PACSIN2: variants seen among roughly 807,000 people sequenced by gnomAD.
PACSIN2 encodes the protein protein kinase C and casein kinase substrate in neurons protein 2.
In PACSIN2, 25 loss-of-function variants were observed where a neutral mutation model predicts 63.8. That is an observed-to-expected ratio of 0.39 (90% CI 0.29 to 0.55). The LOEUF (loss-of-function observed/expected upper bound fraction) is 0.55. Among genes scored for constraint, PACSIN2 ranks in the 20% least tolerant of loss-of-function variants. The pLI is 0.62. For missense variants in PACSIN2, 518 were observed against 646.9 expected, an observed-to-expected ratio of 0.80 and a Z score of 2.16; for synonymous variants, 255 against 256.2, an observed-to-expected ratio of 1.00 and a Z score of 0.05.
rs138589073 is a variant in PACSIN2, at chr22:42,938,019, T to C, written c.-77-25862A>G. ...GCTCCCTGCCCTCTACCCACAGTTGTACAGAGTAAAACAAAATCATCATGT... is the reference window on the plus strand; with the variant it reads ...GCTCCCTGCCCTCTACCCACAGTTGCACAGAGTAAAACAAAATCATCATGT... On this transcript the variant is annotated intron_variant, in intron 1 of 10. Transcript: ENST00000263246. Among the ~76,000 whole-genome samples the C allele has an allele frequency of 3.0e-3, 457 of 152,042 alleles. 1 individual carries two copies. The highest frequency in any genetic ancestry group is 5.5e-3 in the Non-Finnish European group (374 of 67,852).
intron 7 of PACSIN2, among the ~76,000 whole-genome samples, chr22:42,881,791 C>G (rs1929094108): frequency 6.6e-6 from 1 of 152,084 alleles, no homozygotes; most frequent in Non-Finnish European, 1.5e-5. Context: ...CCTCCCCTCC[C>G]CTGGCCCACC....
At chr22:42,927,588 T>G (rs13055687) in intron 1 of PACSIN2, among the ~76,000 whole-genome samples, 7 of 150,670 alleles carry the variant, frequency 4.6e-5, no homozygotes, top group African/African-American at 1.7e-4. Flanking sequence ...TATTTAGTTA[T>G]TTAGTTAGTT....
intron 1 of PACSIN2, among the ~76,000 whole-genome samples, chr22:42,938,401 C>G (rs955564662): frequency 3.3e-5 from 5 of 152,214 alleles, no homozygotes; most frequent in African/African-American, 4.8e-5. Flanking sequence ...ATCCTCCCCT[C>G]TGGAACACAC....
rs149727104 is a variant in PACSIN2 at position 42,951,477 on chromosome 22, T to C, written c.-77-39320A>G. Reference sequence around the variant, plus strand: ...CTCTCCCTGAGCTCCAGATCCGGCATGGCCCGAGCTGCTGGCTCAGCATCT... The same window carrying C: ...CTCTCCCTGAGCTCCAGATCCGGCACGGCCCGAGCTGCTGGCTCAGCATCT... On this transcript the variant is annotated intron_variant, in intron 1 of 10. Coordinates refer to ENST00000263246, the MANE Select transcript of PACSIN2 (RefSeq NM_001184970.3). 1.8e-3 allele frequency among the ~76,000 whole-genome samples: 281 copies of C among 152,288 alleles called. 1 individual carries two copies. Among genetic ancestry groups the C allele is most frequent in the Middle Eastern group, 0.01 (3 of 294 alleles).
rs1928668352 is a variant in PACSIN2 at position 42,876,806 on chromosome 22, A to AG, written c.1151+81dup. On this transcript the variant is annotated intron_variant, in intron 9 of 10. Coordinates refer to ENST00000263246, the MANE Select transcript of PACSIN2 (RefSeq NM_001184970.3). Reference sequence around the variant, plus strand: ...GAGCTCCGTGCATTGCCGAGTGCCGAGGGGTGAGACCCCTGGACAGAGAGA... The same window carrying AG: ...GAGCTCCGTGCATTGCCGAGTGCCGAGGGGGTGAGACCCCTGGACAGAGAGA... 6 of 1,573,066 alleles carry AG rather than the reference A, an allele frequency of 3.8e-6. No individual in the cohort carries two copies. In the Admixed American group the frequency reaches 5.1e-5, roughly 13 times the overall value.
rs746132867 is a variant in PACSIN2, at chr22:42,871,766, C to T, written c.1349-297G>A. ...GGCATCCAGCTCCATAGGGCTGTGC[C>T]TTCCTCACCACCCTGGCCAGGTGGC... On this transcript the variant is annotated intron_variant, in intron 10 of 10. Transcript: ENST00000263246. This position sits in a 1 kb window ranked among gnomAD's most constrained non-coding sequence, Gnocchi z 5.4. Among the ~76,000 whole-genome samples the T allele has an allele frequency of 3.3e-5, 5 of 152,170 alleles. No individual in the cohort carries two copies. The highest frequency in any genetic ancestry group is 7.3e-5 in the Non-Finnish European group (5 of 68,034).
In PACSIN2 at chr22:42,948,236, A is replaced by T. The variant is rs114184817; in HGVS notation, c.-77-36079T>A. Among the ~76,000 whole-genome samples, 601 of 152,218 alleles carry T rather than the reference A, an allele frequency of 3.9e-3. 7 individuals carry two copies. The highest frequency in any genetic ancestry group is 0.014 in the African/African-American group (582 of 41,524). On this transcript the variant is annotated intron_variant, in intron 1 of 10. Coordinates refer to ENST00000263246, the MANE Select transcript of PACSIN2 (RefSeq NM_001184970.3). Reference sequence around the variant, plus strand: ...GAAGGAGGGGAGAGGGGACTGACAAATGGCAGGGCGCTGAAGATCAGACAC... The same window carrying T: ...GAAGGAGGGGAGAGGGGACTGACAATTGGCAGGGCGCTGAAGATCAGACAC...
At chr22:42,959,075 G>T (rs1022394593) in intron 1 of PACSIN2, among the ~76,000 whole-genome samples, 3 of 152,154 alleles carry the variant, frequency 2.0e-5, no homozygotes, top group South Asian at 2.1e-4. Flanking sequence ...CTCAGAGGGG[G>T]ACGAGGGCAC....
chr22:42,989,868 AT>A (rs750077905), intron 1 of PACSIN2, among the ~76,000 whole-genome samples: 8,099 of 62,200 alleles, frequency 0.13, 242 homozygotes, highest in East Asian at 0.17. Context: ...GGAAAAAAAA[AT>A]ATATATATAT....
chr22:42,887,486 C>T (rs898664335), intron 5 of PACSIN2, among the ~76,000 whole-genome samples: 3 of 152,186 alleles, frequency 2.0e-5, no homozygotes, highest in African/African-American at 7.2e-5. Context: ...AGGCCTCTTG[C>T]CTCCCCTCTG....
intron 1 of PACSIN2, among the ~76,000 whole-genome samples, chr22:42,915,313 T>C (rs1200466865): frequency 6.6e-6 from 1 of 152,184 alleles, no homozygotes; most frequent in Non-Finnish European, 1.5e-5. Flanking sequence ...ACAGGACATA[T>C]GCTCTTAGCT....
chr22:42,907,156 C>G (rs551588496), intron 2 of PACSIN2, among the ~76,000 whole-genome samples: 44 of 152,350 alleles, frequency 2.9e-4, no homozygotes, highest in Non-Finnish European at 5.4e-4. Context: ...CTCAGCTTGG[C>G]TGGAGCCCAG....
intron 2 of PACSIN2, among the ~76,000 whole-genome samples, chr22:42,907,234 G>A (rs1274114372): frequency 6.6e-6 from 1 of 152,226 alleles, no homozygotes; most frequent in African/African-American, 2.4e-5. Flanking sequence ...TCTTGGCCAT[G>A]CTAAAGAGTA....
intron 6 of PACSIN2, among the ~76,000 whole-genome samples, chr22:42,883,876 T>G (rs573166611): frequency 2.0e-5 from 3 of 152,070 alleles, no homozygotes; most frequent in African/African-American, 7.2e-5. Flanking sequence ...TGGTGGCGCA[T>G]GCCTGTAATC....
chr22:42,879,509 C>T (rs996279797), intron 7 of PACSIN2, among the ~76,000 whole-genome samples: 1 of 152,220 alleles, frequency 6.6e-6, no homozygotes, highest in Admixed American at 6.5e-5. Context: ...CCTCCTGTTC[C>T]TGACCCCACC....
At chr22:42,894,406 C>A (rs940246851) in intron 2 of PACSIN2, among the ~76,000 whole-genome samples, 2 of 152,176 alleles carry the variant, frequency 1.3e-5, no homozygotes, top group African/African-American at 2.4e-5. Context: ...TCACACCCAG[C>A]TAGTTTTTGT....
chr22:42,983,497 A>AC (rs1922384020), intron 1 of PACSIN2, among the ~76,000 whole-genome samples: 4 of 144,784 alleles, frequency 2.8e-5, no homozygotes, highest in African/African-American at 9.8e-5. Flanking sequence ...CTCAAAAAAA[A>AC]AAAAAAAAAA....
intron 1 of PACSIN2, among the ~76,000 whole-genome samples, chr22:42,991,663 C>T (rs540402951): frequency 9.2e-5 from 14 of 152,292 alleles, no homozygotes; most frequent in East Asian, 1.9e-4. Context: ...CCATGCCATA[C>T]GAAGCTGAGA....
chr22:42,976,447 A>G (rs1921710525), intron 1 of PACSIN2, among the ~76,000 whole-genome samples: 1 of 124,580 alleles, frequency 8.0e-6, no homozygotes, highest in Non-Finnish European at 1.7e-5. Flanking sequence ...AAGCCTGACA[A>G]GTCCACAGGA....
Sources: gnomAD v4.1 joint callset for allele counts (sites outside exome capture counted in the v4.1 genomes callset) on GRCh38, gnomAD v4.1.1 for gene constraint, Gnocchi (gnomAD v3.1) non-coding constraint, MANE v1.5 for transcripts, NCBI Gene and HGNC (gene_info 2026-07-23, HGNC 2026-07-21) for gene names.